Variants in NCKIPSD observed in about 807,000 individuals in gnomAD.
NCKIPSD encodes the protein NCK-interacting protein with SH3 domain.
Under a neutral mutation model 73.4 loss-of-function variants are expected in NCKIPSD, and 48 were observed. That is an observed-to-expected ratio of 0.65 (90% confidence interval 0.52 to 0.83). NCKIPSD has a LOEUF of 0.83. Ranked by LOEUF, NCKIPSD falls within the 40% of genes least tolerant of loss-of-function variation. The probability of loss-of-function intolerance (pLI) is 0.00; values close to 1 mark genes in which losing one functional copy is unlikely to be tolerated. For missense variants in NCKIPSD, 884 were observed against 970.2 expected (o/e 0.91, Z 1.18); for synonymous variants, 422 against 403.6 (o/e 1.05, Z -0.54).
At position 48,685,782 on chromosome 3, in the gene NCKIPSD, C is replaced by G. The variant is rs2077428873; in HGVS notation, c.26G>C (p.Arg9Pro). 1.3e-6 allele frequency: 2 copies of G among 1,528,106 alleles called. No individual in the cohort carries two copies. The allele number at this position is 1,528,106 out of a possible 1,614,324, so 94.7% of individuals were successfully genotyped here. ...CGCCAGCGCGTTGGGCTCCGCCGAG[C>G]GGAACGCGTACAGCGCGCGGTACAT... Reference protein sequence around the residue: MYRALYAFRSAEPNALAFA... With the variant: MYRALYAFPSAEPNALAFA... Residue 9 changes from arginine (R) to proline (P), a missense_variant, in exon 1 of 13, where the codon CGC becomes CCC. Physicochemically the swap from Arg to Pro is moderately radical, Grantham distance 103 (BLOSUM62 -2). Transcript: ENST00000294129.
In NCKIPSD at chr3:48,678,744, G is replaced by T; in HGVS notation, c.1793-8C>A. 2 of 1,613,004 alleles carry T rather than the reference G, an allele frequency of 1.2e-6. No homozygotes were observed. The highest frequency in any genetic ancestry group is 1.7e-6 in the Non-Finnish European group (2 of 1,179,374). ...AGATGCGCACAGGGTCATCTAGGAGGCAGGGGTCATAGCGGTCAGGGTGGA... is the reference window on the plus strand; with the variant it reads ...AGATGCGCACAGGGTCATCTAGGAGTCAGGGGTCATAGCGGTCAGGGTGGA... On this transcript the variant is annotated splice_region_variant and splice_polypyrimidine_tract_variant and intron_variant, in intron 11 of 12. Coordinates refer to ENST00000294129, the MANE Select transcript of NCKIPSD (RefSeq NM_016453.4).
chr3:48,676,387 T>C (rs2077257537), intron 12 of NCKIPSD, among the ~76,000 whole-genome samples: 1 of 152,162 alleles, frequency 6.6e-6, no homozygotes, highest in South Asian at 2.1e-4. Context: ...TTGACTCCTG[T>C]GGTGGCTCAC....
intron 6 of NCKIPSD, 67 bp from the exon 7 acceptor site, chr3:48,679,954 G>A (rs1258229730): frequency 4.3e-6 from 7 of 1,612,138 alleles, no homozygotes; most frequent in South Asian, 1.1e-5. Flanking sequence ...ACAAGAGAGG[G>A]CTGAGCACAT....
Position 48,681,401 on chromosome 3 carries a change from C to G in NCKIPSD, c.978G>C (p.Leu326=). 1.2e-6 allele frequency: 2 copies of G among 1,613,046 alleles called. No homozygotes were observed. The highest frequency in any genetic ancestry group is 1.7e-6 in the Non-Finnish European group (2 of 1,179,408). ...TGGCCACCCGGCATAATTCGTGGCT[C>G]AGGCCAGTGTTTCTCCGCACCAGCT... ...LMELVRRNTG[L]SHELCRVAIG... The change falls in exon 5 of 13, where the codon CTG becomes CTC. Residue 326 remains leucine (L), a synonymous_variant. Coordinates refer to ENST00000294129, the MANE Select transcript of NCKIPSD (RefSeq NM_016453.4).
In NCKIPSD at chr3:48,682,993, A is replaced by G; in HGVS notation, c.191T>C (p.Leu64Pro). The part of the protein sequence containing the change: ...RRLQGLEQDV[L>P]QAIDRAIEAV... ...CTCGATGGCCCGGTCAATGGCCTGGAGGACATCCTGCTCCAGGCCCTGGGG... is the reference window on the plus strand; with the variant it reads ...CTCGATGGCCCGGTCAATGGCCTGGGGGACATCCTGCTCCAGGCCCTGGGG... Residue 64 changes from leucine to proline, a missense_variant, in exon 2 of 13, where the codon CTC becomes CCC. Physicochemically the swap from Leu to Pro is moderately conservative, Grantham distance 98 (BLOSUM62 -3). Coordinates refer to ENST00000294129, the MANE Select transcript of NCKIPSD (RefSeq NM_016453.4). 6.4e-7 allele frequency: 1 copy of G among 1,550,698 alleles called. No individual in the cohort carries two copies. Among genetic ancestry groups the G allele is most frequent in the Non-Finnish European group, 8.7e-7 (1 of 1,147,208 alleles).
chr3:48,681,961 G>A, intron 4 of NCKIPSD, 84 bp downstream of exon 4: 1 of 1,514,284 alleles, frequency 6.6e-7, no homozygotes, highest in Non-Finnish European at 8.9e-7. Context: ...CCAGCTTAGA[G>A]CCTCCATTTC....
At chr3:48,675,541 A>ATG (rs1257553988) in intron 12 of NCKIPSD, among the ~76,000 whole-genome samples, 1 of 140,808 alleles carries the variant, frequency 7.1e-6, no homozygotes, top group Admixed American at 7.2e-5. Flanking sequence ...ATATATATAT[A>ATG]TATATCATTT....
intron 1 of NCKIPSD, 168 bp from the exon 2 acceptor site, chr3:48,683,180 G>T: frequency 1.6e-6 from 2 of 1,270,628 alleles, no homozygotes; most frequent in Non-Finnish European, 2.2e-6. Flanking sequence ...TTCTCAAACT[G>T]TATCACTCAG....
intron 1 of NCKIPSD, among the ~76,000 whole-genome samples, chr3:48,683,987 C>CACAA (rs2077395813): frequency 7.0e-6 from 1 of 143,246 alleles, no homozygotes; most frequent in African/African-American, 2.8e-5. Flanking sequence ...AAGACACACA[C>CACAA]ACACACACAC....
chr3:48,674,384 C>T lies in NCKIPSD; in HGVS notation c.*160G>A. The T allele has an allele frequency of 6.9e-7, 1 of 1,452,410 alleles. No homozygotes were observed. Among genetic ancestry groups the T allele is most frequent in the Non-Finnish European group, 9.1e-7 (1 of 1,104,536 alleles). 90.0% of individuals were successfully genotyped at this position (1,452,410 alleles called of 1,614,324 possible). ...CCAGACCATGGTCCCCAATCCTACA[C>T]TTGGCCCCTCTCTTAAGTTCTACTT... On this transcript the variant is annotated 3_prime_UTR_variant, in exon 13 of 13. Coordinates refer to ENST00000294129, the MANE Select transcript of NCKIPSD (RefSeq NM_016453.4).
intron 1 of NCKIPSD, among the ~76,000 whole-genome samples, chr3:48,683,927 T>C (rs906353255): frequency 6.6e-6 from 1 of 150,902 alleles, no homozygotes; most frequent in African/African-American, 2.4e-5. Flanking sequence ...CCAGGTGGTA[T>C]GAGGTGTGCC....
chr3:48,685,671 C>T lies in NCKIPSD; in HGVS notation c.137G>A (p.Gly46Asp), dbSNP rs1269210554. The stretch of plus-strand genomic sequence containing the variant: ...GCGCAGGTAGGCTGGCGGCACGTAG[C>T]CCGTCTCACCACTGCGCGCCCGCGC... ...LAARARSGET[G>D]YVPPAYLRRL... Residue 46 changes from glycine to aspartate, a missense_variant, in exon 1 of 13, where the codon GGC becomes GAC. Physicochemically the swap from Gly to Asp is moderately conservative, Grantham distance 94 (BLOSUM62 -1). Transcript: ENST00000294129. 2 of 1,525,546 alleles carry T rather than the reference C, an allele frequency of 1.3e-6. No homozygotes were observed. 94.5% of individuals were successfully genotyped at this position (1,525,546 alleles called of 1,614,324 possible).
chr3:48,685,297 A>ATAAT (rs1405882999), intron 1 of NCKIPSD, among the ~76,000 whole-genome samples: 1 of 151,404 alleles, frequency 6.6e-6, no homozygotes, highest in African/African-American at 2.4e-5. Context: ...AGGGATTTGA[A>ATAAT]TAATTGGCCA....
At chr3:48,678,246 T>C (rs1334902714) in intron 12 of NCKIPSD, among the ~76,000 whole-genome samples, 1 of 152,184 alleles carries the variant, frequency 6.6e-6, no homozygotes, top group Non-Finnish European at 1.5e-5. Context: ...GTTGATTCCA[T>C]GTGGGATGTT....
chr3:48,685,763 C>T lies in NCKIPSD; in HGVS notation c.45G>A (p.Ala15=). The change falls in exon 1 of 13, where the codon GCG becomes GCA. Residue 15 remains alanine (A), a synonymous_variant. Coordinates refer to ENST00000294129, the MANE Select transcript of NCKIPSD (RefSeq NM_016453.4). ...AGGTCTCGCCCGCGGCGAACGCCAG[C>T]GCGTTGGGCTCCGCCGAGCGGAACG... ...LYAFRSAEPN[A]LAFAAGETFL... The T allele has an allele frequency of 3.9e-6, 6 of 1,532,928 alleles. No individual in the cohort carries two copies. Among genetic ancestry groups the T allele is most frequent in the Non-Finnish European group, 5.2e-6 (6 of 1,148,782 alleles). 95.0% of individuals were successfully genotyped at this position (1,532,928 alleles called of 1,614,324 possible).
Position 48,681,774 on chromosome 3 carries a change from T to G in NCKIPSD, c.605A>C (p.His202Pro). 3 of 1,498,786 alleles carry G rather than the reference T, an allele frequency of 2.0e-6. No homozygotes were observed. Among genetic ancestry groups the G allele is most frequent in the Non-Finnish European group, 2.7e-6 (3 of 1,126,316 alleles). 92.8% of individuals were successfully genotyped at this position (1,498,786 alleles called of 1,614,324 possible). ...GTTACCCCCGGAGGGCATGGTGTTG[T>G]GGCCACCTGCGAGCAGTGAGTAGAA... The part of the protein sequence containing the change: ...EALMASGSGG[H>P]NTMPSGGNSV... The change falls in exon 5 of 13, where the codon CAC becomes CCC. Residue 202 changes from histidine (H) to proline (P), a missense_variant. Coordinates refer to ENST00000294129, the MANE Select transcript of NCKIPSD (RefSeq NM_016453.4).
intron 12 of NCKIPSD, 116 bp downstream of exon 12, chr3:48,678,448 C>T: frequency 3.0e-6 from 4 of 1,341,502 alleles, no homozygotes; most frequent in Non-Finnish European, 3.0e-6. Context: ...GCCTCCTACA[C>T]TTACCTGGCT....
At chr3:48,684,019 C>CACACACACACACACACAGAGAGAG (rs563262573) in intron 1 of NCKIPSD, among the ~76,000 whole-genome samples, 6 of 141,256 alleles carry the variant, frequency 4.2e-5, no homozygotes, top group African/African-American at 1.7e-4. Context: ...CACACACACA[C>CACACACACACACACACAGAGAGAG]AGAGAGAGAG....
chr3:48,679,008 G>A lies in NCKIPSD; in HGVS notation c.1700-39C>T, dbSNP rs774511893. 6.8e-6 allele frequency: 11 copies of A among 1,614,018 alleles called. No homozygotes were observed. The African/African-American group carries it at 1.2e-4, about 18-fold the overall frequency. ...TGGGTATAGACAGGGTGCTGAGCCT[G>A]AGAGCCACCATGTGCTCAGCCACCG... On this transcript the variant is annotated intron_variant, in intron 10 of 12. Coordinates refer to ENST00000294129, the MANE Select transcript of NCKIPSD (RefSeq NM_016453.4).
Sources: allele counts gnomAD v4.1 joint callset (sites outside exome capture counted in the v4.1 genomes callset), GRCh38; gene constraint gnomAD v4.1.1; transcripts MANE v1.5; gene names NCBI Gene and HGNC (gene_info 2026-07-23, HGNC 2026-07-21).